Variants in HARS2 observed in about 807,000 individuals in gnomAD.
HARS2 encodes histidine--tRNA ligase, mitochondrial.
Under a neutral mutation model 62.4 loss-of-function variants are expected in HARS2, and 40 were observed. The ratio of observed to expected loss-of-function variants is 0.64; its 90% confidence interval spans 0.50 to 0.83. HARS2 has a LOEUF of 0.83. HARS2 is among the 40% of genes least tolerant of loss of function. The pLI is 0.00. For missense variants in HARS2, 569 were observed against 626.4 expected (o/e 0.91, Z 0.98); for synonymous variants, 228 against 227.0 (o/e 1.00, Z -0.04).
At chr5:140,691,906 TG>T (rs1759507811) in intron 1 of HARS2, 150 bp downstream of exon 1, 7 of 654,246 alleles carry the variant, frequency 1.1e-5, no homozygotes, top group Admixed American at 9.4e-5. Flanking sequence ...TTTGGATGCC[TG>T]GTCATTTAAT....
intron 11 of HARS2, 73 bp downstream of exon 11, chr5:140,697,758 G>C (rs1298077745): frequency 3.1e-6 from 4 of 1,300,538 alleles, no homozygotes. Context: ...TCTATCTTAT[G>C]TCTGGGGTGG....
In HARS2 at chr5:140,695,525, T is replaced by C. The variant is rs1160344272; in HGVS notation, c.417T>C (p.Tyr139=). ...RYDLTVPFAR[Y]LAMNKVKKMK... ...TATGTGAGGTTCCCTTTGCTCGTTATCTGGCCATGAATAAGGTGAAGAAGA... is the reference window on the plus strand; with the variant it reads ...TATGTGAGGTTCCCTTTGCTCGTTACCTGGCCATGAATAAGGTGAAGAAGA... Residue 139 remains tyrosine (Y), a synonymous_variant, in exon 5 of 13, where the codon TAT becomes TAC. Transcript: ENST00000230771. 2 of 1,614,178 alleles carry C rather than the reference T, an allele frequency of 1.2e-6. No homozygotes were observed. Among genetic ancestry groups the C allele is most frequent in the Non-Finnish European group, 1.7e-6 (2 of 1,180,026 alleles).
At chr5:140,695,390 G>A in intron 4 of HARS2, 118 bp from the exon 5 acceptor site, 1 of 1,130,082 alleles carries the variant, frequency 8.8e-7, no homozygotes, top group Non-Finnish European at 1.3e-6. Context: ...GTGGAAAAAA[G>A]GGAAGGTCCT....
Position 140,691,499 on chromosome 5 carries a change from C to G in HARS2, c.-150C>G. 2.7e-6 allele frequency: 2 copies of G among 729,380 alleles called. No homozygotes were observed. Among genetic ancestry groups the G allele is most frequent in the South Asian group, 3.1e-5 (2 of 63,618 alleles). 45.2% of individuals were successfully genotyped at this position (729,380 alleles called of 1,614,324 possible). A position where few individuals can be genotyped will look rare whatever the true frequency, so the allele number is the denominator to read the frequency against. On this transcript the variant is annotated 5_prime_UTR_variant, in exon 1 of 13. Coordinates refer to ENST00000230771, the MANE Select transcript of HARS2 (RefSeq NM_012208.4). ...GGAACTTGGGAGGATCCCACCTCAG[C>G]CTTCGTGACTAGTGAGGTGCGCAAA...
intron 1 of HARS2, among the ~76,000 whole-genome samples, chr5:140,692,934 T>A (rs1018944180): frequency 1.3e-5 from 2 of 151,810 alleles, no homozygotes; most frequent in African/African-American, 4.8e-5. Flanking sequence ...GTAGGAACGG[T>A]GACCTGGAGA....
rs775521369 is a variant in HARS2, at chr5:140,696,960, G to A, written c.844G>A (p.Glu282Lys). 1 of 1,613,404 alleles carries A rather than the reference G, an allele frequency of 6.2e-7. No individual in the cohort carries two copies. The highest frequency in any genetic ancestry group is 2.2e-5 in the East Asian group (1 of 44,860). Residue 282 changes from glutamate (E) to lysine (K), a missense_variant, in exon 9 of 13, where the codon GAG (glutamate) becomes AAG (lysine). Coordinates refer to ENST00000230771, the MANE Select transcript of HARS2 (RefSeq NM_012208.4). The part of the protein sequence containing the change: ...VQCHGGVSLV[E>K]QMFQDPRLSQ... The stretch of plus-strand genomic sequence containing the variant: ...CTCTCCAGGTGGGGTATCCCTAGTA[G>A]AGCAAATGTTTCAGGATCCCAGACT...
intron 8 of HARS2, 109 bp downstream of exon 8, chr5:140,696,723 C>T: frequency 1.1e-6 from 1 of 946,596 alleles, no homozygotes; most frequent in Non-Finnish European, 1.7e-6. Context: ...AGCTCCAGGG[C>T]CTGTCCTGAA....
chr5:140,695,401 T>C, intron 4 of HARS2, 107 bp from the exon 5 acceptor site: 1 of 1,277,142 alleles, frequency 7.8e-7, no homozygotes, highest in Non-Finnish European at 1.1e-6. Context: ...GGAAGGTCCT[T>C]GTTCTTACCC....
chr5:140,697,238 G>C lies in HARS2; in HGVS notation c.1029G>C (p.Gln343His), dbSNP rs1401433076. Reference protein sequence around the residue: ...TGVIYEAVLLQTPTQAGEEPL... With the variant: ...TGVIYEAVLLHTPTQAGEEPL... ...TGATCTATGAAGCAGTGCTGCTGCAGACCCCAACTCAGGCTGGGGAGGAGC... is the reference window on the plus strand; with the variant it reads ...TGATCTATGAAGCAGTGCTGCTGCACACCCCAACTCAGGCTGGGGAGGAGC... Residue 343 changes from glutamine (Q) to histidine (H), a missense_variant, in exon 10 of 13, where the codon CAG becomes CAC. By Grantham distance (24) the Gln-to-His change is conservative. Coordinates refer to ENST00000230771, the MANE Select transcript of HARS2 (RefSeq NM_012208.4). 6.2e-7 allele frequency: 1 copy of C among 1,614,186 alleles called. No individual in the cohort carries two copies. The highest frequency in any genetic ancestry group is 8.5e-7 in the Non-Finnish European group (1 of 1,180,032).
Position 140,697,272 on chromosome 5 carries a change from G to A in HARS2, c.1063G>A (p.Val355Met), listed in dbSNP as rs1471192409. 2.5e-6 allele frequency: 4 copies of A among 1,614,208 alleles called. No individual in the cohort carries two copies. Among genetic ancestry groups the A allele is most frequent in the Non-Finnish European group, 3.4e-6 (4 of 1,180,044 alleles). Residue 355 changes from valine (V) to methionine (M), a missense_variant, in exon 10 of 13, where the codon GTG (valine) becomes ATG (methionine). Coordinates refer to ENST00000230771, the MANE Select transcript of HARS2 (RefSeq NM_012208.4). The stretch of plus-strand genomic sequence containing the variant: ...TCAGGCTGGGGAGGAGCCCCTGAAT[G>A]TGGGCAGTGTGGCTGCTGGTGGGCG... The part of the protein sequence containing the change: ...PTQAGEEPLN[V>M]GSVAAGGRYD...
chr5:140,691,910 C>T (rs1759507987), intron 1 of HARS2, 154 bp downstream of exon 1: 1 of 649,228 alleles, frequency 1.5e-6, no homozygotes. Flanking sequence ...GATGCCTGGT[C>T]ATTTAATCCT....
rs767139814 is a variant in HARS2 at position 140,695,638 on chromosome 5, G to A, written c.525+5G>A. 1.2e-6 allele frequency: 2 copies of A among 1,614,240 alleles called. No individual in the cohort carries two copies. The highest frequency in any genetic ancestry group is 1.7e-5 in the Admixed American group (1 of 60,032). On this transcript the variant is annotated splice_donor_5th_base_variant and intron_variant, in intron 5 of 12. Coordinates refer to ENST00000230771, the MANE Select transcript of HARS2 (RefSeq NM_012208.4). ...TATAGGGAGTTCTGCCAGTGTGTAA[G>A]TGACCTGATGGGAGCAGCACAGTTT...
intron 2 of HARS2, 58 bp from the exon 3 acceptor site, chr5:140,693,877 G>T: frequency 1.2e-6 from 2 of 1,603,860 alleles, no homozygotes; most frequent in Non-Finnish European, 1.7e-6. Flanking sequence ...TTAACTCCTT[G>T]TCTGAAATGG....
chr5:140,696,596 G>A lies in HARS2; in HGVS notation c.808G>A (p.Asp270Asn), dbSNP rs372235311. The A allele has an allele frequency of 4.3e-6, 7 of 1,610,518 alleles. No homozygotes were observed. The highest frequency in any genetic ancestry group is 1.7e-6 in the Non-Finnish European group (2 of 1,176,776). ...LAPEVADRIGDYVQCHGGVSL... is the reference protein window; with the variant it reads ...LAPEVADRIGNYVQCHGGVSL... ...TCCTGAGGTGGCTGATCGAATTGGGGACTATGTCCAGTGTCATGGTAAGAA... is the reference window on the plus strand; with the variant it reads ...TCCTGAGGTGGCTGATCGAATTGGGAACTATGTCCAGTGTCATGGTAAGAA... Residue 270 changes from aspartate to asparagine, a missense_variant, in exon 8 of 13, where the codon GAC becomes AAC. Coordinates refer to ENST00000230771, the MANE Select transcript of HARS2 (RefSeq NM_012208.4).
Position 140,693,656 on chromosome 5 carries a change from G to T in HARS2, c.174G>T (p.Lys58Asn), listed in dbSNP as rs1463092734. 2 of 1,613,374 alleles carry T rather than the reference G, an allele frequency of 1.2e-6. No homozygotes were observed. Among genetic ancestry groups the T allele is most frequent in the Admixed American group, 3.3e-5 (2 of 60,010 alleles). The stretch of plus-strand genomic sequence containing the variant: ...AAGAGAAACCAAATTTTATTATCAA[G>T]ACCCCAAAGGTAATACTTTTTGCCT... ...AHQEKPNFII[K>N]TPKGTRDLSP... Residue 58 changes from lysine (K) to asparagine (N), a missense_variant, in exon 2 of 13, where the codon AAG (lysine) becomes AAT (asparagine). Coordinates refer to ENST00000230771, the MANE Select transcript of HARS2 (RefSeq NM_012208.4).
chr5:140,697,149 A>G lies in HARS2; in HGVS notation c.955-15A>G. The G allele has an allele frequency of 2.5e-6, 4 of 1,614,168 alleles. No individual in the cohort carries two copies. The highest frequency in any genetic ancestry group is 1.1e-5 in the South Asian group (1 of 91,090). On this transcript the variant is annotated splice_polypyrimidine_tract_variant and intron_variant, in intron 9 of 12. Coordinates refer to ENST00000230771, the MANE Select transcript of HARS2 (RefSeq NM_012208.4). ...CGAGTCTAGTTTGGGACTGACTGTA[A>G]TCTTGTCCCCACAGATCTCCTTTGA...
Position 140,695,569 on chromosome 5 carries a change from G to C in HARS2, c.461G>C (p.Gly154Ala), listed in dbSNP as rs754713376. 1.9e-6 allele frequency: 3 copies of C among 1,614,172 alleles called. No individual in the cohort carries two copies. The highest frequency in any genetic ancestry group is 2.5e-6 in the Non-Finnish European group (3 of 1,180,020). The change falls in exon 5 of 13, where the codon GGA becomes GCA. Residue 154 changes from glycine to alanine, a missense_variant. By Grantham distance (60) the Gly-to-Ala change is moderately conservative. Coordinates refer to ENST00000230771, the MANE Select transcript of HARS2 (RefSeq NM_012208.4). ...AAGAAGATGAAACGTTATCATGTTG[G>C]AAAGGTGTGGCGGCGAGAGAGCCCA... ...KVKKMKRYHV[G>A]KVWRRESPTI...
intron 4 of HARS2, 45 bp from the exon 5 acceptor site, chr5:140,695,463 A>T: frequency 6.2e-7 from 1 of 1,612,170 alleles, no homozygotes. Flanking sequence ...TACTGGGCCT[A>T]ATCTTTGGAT....
Position 140,697,849 on chromosome 5 carries a change from C to G in HARS2, c.1315-83C>G. 2.0e-6 allele frequency: 3 copies of G among 1,467,048 alleles called. No individual in the cohort carries two copies. The East Asian group carries it at 6.8e-5, about 33-fold the overall frequency. The allele number at this position is 1,467,048 out of a possible 1,614,324, so 90.9% of individuals were successfully genotyped here. ...GGGTAGGCGGACTAGCCACTTATCT[C>G]TGGCTTTCTTGGATATCCATGTTCC... On this transcript the variant is annotated intron_variant, in intron 11 of 12. Transcript: ENST00000230771.
Sources: allele counts gnomAD v4.1 joint callset (sites outside exome capture counted in the v4.1 genomes callset), GRCh38; gene constraint gnomAD v4.1.1; transcripts MANE v1.5; gene names NCBI Gene and HGNC (gene_info 2026-07-23, HGNC 2026-07-21).